FAM200C: variants seen among roughly 807,000 people sequenced by gnomAD.
At chr5:160,394,896 C>T in the FAM200C span, 1 of 1,612,794 alleles carries the variant, frequency 6.2e-7, no homozygotes, top group Non-Finnish European at 8.5e-7. Flanking sequence ...TCTACGATCT[C>T]TCTTTCTTTT....
At chr5:160,394,484 C>T in the FAM200C span, 1 of 1,613,952 alleles carries the variant, frequency 6.2e-7, no homozygotes. Context: ...TATTTGGCCT[C>T]GGGAAAGCCA....
chr5:160,398,844 A>G, the FAM200C span, among the ~76,000 whole-genome samples: 1 of 152,238 alleles, frequency 6.6e-6, no homozygotes, highest in East Asian at 1.9e-4. Flanking sequence ...ATTAAAAAGC[A>G]TCATGATAAG....
At chr5:160,395,264 C>A in the FAM200C span, 1,382 of 1,613,968 alleles carry the variant, frequency 8.6e-4, 1 homozygote, top group Non-Finnish European at 1.1e-3. Flanking sequence ...CAAGGTTTCA[C>A]TCTGATCAGA....
At chr5:160,394,836 C>G in the FAM200C span, 1 of 1,613,580 alleles carries the variant, frequency 6.2e-7, no homozygotes, top group Non-Finnish European at 8.5e-7. Context: ...AGATTGAACA[C>G]ATCTATTCCT....
chr5:160,393,172 T>C, the FAM200C span: 1 of 152,402 alleles, frequency 6.6e-6, no homozygotes, highest in Non-Finnish European at 1.5e-5. Context: ...TATTTATTAA[T>C]ATGATATTCA....
At chr5:160,394,651 T>C in the FAM200C span, 1 of 1,614,146 alleles carries the variant, frequency 6.2e-7, no homozygotes. Flanking sequence ...GCAATGTCTT[T>C]ATGACAAGTG....
the FAM200C span, chr5:160,394,493 C>T: frequency 1.2e-6 from 2 of 1,613,910 alleles, no homozygotes; most frequent in African/African-American, 1.3e-5. Context: ...TCGGGAAAGC[C>T]ACCTCATTTC....
chr5:160,395,097 C>T, the FAM200C span: 2 of 1,613,922 alleles, frequency 1.2e-6, no homozygotes, highest in Non-Finnish European at 1.7e-6. Context: ...TTTTTTTGTG[C>T]ATCTGGTCCC....
At chr5:160,399,320 T>C in the FAM200C span, among the ~76,000 whole-genome samples, 1 of 152,114 alleles carries the variant, frequency 6.6e-6, no homozygotes, top group African/African-American at 2.4e-5. Flanking sequence ...AAACAAATAT[T>C]TAGGGAATGC....
the FAM200C span, among the ~76,000 whole-genome samples, chr5:160,398,873 C>G: frequency 3.0e-4 from 46 of 152,272 alleles, no homozygotes; most frequent in African/African-American, 1.0e-3. Flanking sequence ...GTTAAACAGG[C>G]ATGATAATGG....
the FAM200C span, among the ~76,000 whole-genome samples, chr5:160,398,501 G>A: frequency 1.3e-5 from 2 of 152,170 alleles, no homozygotes; most frequent in Admixed American, 6.5e-5. Flanking sequence ...ATGCCACTGC[G>A]CTCTCCAGAC....
chr5:160,394,732 G>A, the FAM200C span: 33 of 1,613,970 alleles, frequency 2.0e-5, no homozygotes, highest in Non-Finnish European at 2.7e-5. Flanking sequence ...CAACAAACTC[G>A]GAATTTTCTC....
chr5:160,393,436 T>C, the FAM200C span: 7 of 383,608 alleles, frequency 1.8e-5, no homozygotes, highest in Admixed American at 4.4e-5. Context: ...ATTCTAGTGC[T>C]TAGGTATCTT....
chr5:160,394,045 G>T, the FAM200C span: 11 of 1,611,188 alleles, frequency 6.8e-6, no homozygotes, highest in Non-Finnish European at 9.3e-6. Context: ...CAACAAAATC[G>T]ATATTAAAAA....
chr5:160,395,348 G>A, the FAM200C span: 4 of 1,614,170 alleles, frequency 2.5e-6, no homozygotes, highest in Non-Finnish European at 3.4e-6. Context: ...AAAATGGTCT[G>A]ACAGTTTTGA....
the FAM200C span, among the ~76,000 whole-genome samples, chr5:160,398,969 G>C: frequency 1.6e-4 from 24 of 152,280 alleles, no homozygotes; most frequent in East Asian, 4.6e-3. Context: ...GGATTCCTTT[G>C]AAATACGTAC....
chr5:160,393,526 A>G, the FAM200C span: 9 of 605,760 alleles, frequency 1.5e-5, no homozygotes, highest in South Asian at 1.9e-4. Context: ...AGTAGTACTT[A>G]ATCTTTTCTG....
chr5:160,396,736 C>T, the FAM200C span, among the ~76,000 whole-genome samples: 1 of 147,430 alleles, frequency 6.8e-6, no homozygotes, highest in Non-Finnish European at 1.5e-5. Context: ...ACAACTTGCT[C>T]AGGGGAAACA....
chr5:160,393,715 C>A, the FAM200C span: 1 of 1,548,120 alleles, frequency 6.5e-7, no homozygotes, highest in Non-Finnish European at 8.7e-7. Flanking sequence ...CTTACAGTGA[C>A]TTCTGCTGTA....
Sources: gnomAD v4.1 joint callset for allele counts (sites outside exome capture counted in the v4.1 genomes callset) on GRCh38, gnomAD v4.1.1 for gene constraint, MANE v1.5 for transcripts.